Variants in GALNT13 observed in about 807,000 individuals in gnomAD.
The protein encoded by GALNT13 is UDP-GalNAc:polypeptide N-acetylgalactosaminyltransferase 13.
A neutral mutation model predicts 64.2 loss-of-function variants in GALNT13; 28 were observed. That is an observed-to-expected ratio of 0.44 (90% CI 0.32 to 0.60). GALNT13 has a LOEUF of 0.60. GALNT13 is among the 20% of genes least tolerant of loss of function. The probability of loss-of-function intolerance (pLI) is 0.05; values close to 1 mark genes in which losing one functional copy is unlikely to be tolerated. For missense variants in GALNT13, 577 were observed against 669.8 expected (o/e 0.86, Z 1.53); for synonymous variants, 214 against 224.6 (o/e 0.95, Z 0.42).
the GALNT13 span, among the ~76,000 whole-genome samples, chr2:153,213,196 C>T: frequency 6.6e-6 from 1 of 152,202 alleles, no homozygotes; most frequent in African/African-American, 2.4e-5. Context: ...TTTATGTTTG[C>T]ATTGGTTCAG....
At chr2:154,187,980 A>T (rs1454064980) in intron 4 of GALNT13, among the ~76,000 whole-genome samples, 1 of 151,828 alleles carries the variant, frequency 6.6e-6, no homozygotes, top group East Asian at 1.9e-4. Context: ...AAGTAAGCCA[A>T]GAAAAGAGTA....
intron 3 of GALNT13, among the ~76,000 whole-genome samples, chr2:153,964,326 G>A (rs1314409963): frequency 1.3e-5 from 2 of 152,136 alleles, no homozygotes; most frequent in African/African-American, 4.8e-5. Flanking sequence ...GTGCGTGCCT[G>A]TAATCCCAGA....
chr2:154,138,236 T>G (rs1452222710), intron 3 of GALNT13, among the ~76,000 whole-genome samples: 1 of 152,116 alleles, frequency 6.6e-6, no homozygotes, highest in African/African-American at 2.4e-5. Flanking sequence ...AAAGGTTCTT[T>G]GACCTTCATT....
At chr2:153,548,701 T>C in the GALNT13 span, among the ~76,000 whole-genome samples, 1 of 152,172 alleles carries the variant, frequency 6.6e-6, no homozygotes, top group African/African-American at 2.4e-5. Context: ...CATGGTATGG[T>C]TCAGTCAGAC....
the GALNT13 span, among the ~76,000 whole-genome samples, chr2:153,793,290 G>A: frequency 6.6e-6 from 1 of 151,838 alleles, no homozygotes; most frequent in Non-Finnish European, 1.5e-5. Context: ...ACATTTCATA[G>A]GTCTTAAAGG....
At chr2:153,448,688 A>C in the GALNT13 span, among the ~76,000 whole-genome samples, 2 of 152,130 alleles carry the variant, frequency 1.3e-5, no homozygotes, top group South Asian at 4.1e-4. Context: ...TGTGCAAGTT[A>C]ACCTATTCTA....
At chr2:154,304,250 A>AT (rs1693611046) in intron 9 of GALNT13, among the ~76,000 whole-genome samples, 2 of 152,208 alleles carry the variant, frequency 1.3e-5, no homozygotes, top group Admixed American at 1.3e-4. Context: ...CATTTCATGC[A>AT]TAGATGTATT....
the GALNT13 span, among the ~76,000 whole-genome samples, chr2:153,294,415 T>G: frequency 6.6e-6 from 1 of 152,226 alleles, no homozygotes; most frequent in Non-Finnish European, 1.5e-5. Context: ...GCATCTATAA[T>G]CTCAGTGTGA....
the GALNT13 span, among the ~76,000 whole-genome samples, chr2:153,361,722 T>C: frequency 6.6e-6 from 1 of 152,026 alleles, no homozygotes; most frequent in Non-Finnish European, 1.5e-5. Flanking sequence ...TATGGGACTA[T>C]GTAAAAAGAC....
chr2:153,451,061 G>A, the GALNT13 span, among the ~76,000 whole-genome samples: 35 of 152,042 alleles, frequency 2.3e-4, no homozygotes, highest in Non-Finnish European at 4.6e-4. Flanking sequence ...GGCATGATGT[G>A]CTTTCTTCCC....
intron 3 of GALNT13, among the ~76,000 whole-genome samples, chr2:154,125,178 G>GTTAC (rs1295114341): frequency 1.3e-5 from 2 of 152,096 alleles, no homozygotes; most frequent in Non-Finnish European, 2.9e-5. Context: ...CAGCATAAGT[G>GTTAC]TTACCTCTTT....
the GALNT13 span, among the ~76,000 whole-genome samples, chr2:153,382,127 A>T: frequency 2.8e-4 from 43 of 152,190 alleles, no homozygotes; most frequent in Non-Finnish European, 5.0e-4. Context: ...TCTGCTAAGG[A>T]TGGTCTCTTG....
the GALNT13 span, among the ~76,000 whole-genome samples, chr2:153,327,564 T>C: frequency 6.6e-6 from 1 of 151,798 alleles, no homozygotes; most frequent in Non-Finnish European, 1.5e-5. Context: ...TCTGATATCC[T>C]TTCTTCTGCT....
intron 4 of GALNT13, among the ~76,000 whole-genome samples, chr2:154,164,076 A>C (rs1374423312): frequency 1.3e-5 from 2 of 152,166 alleles, no homozygotes; most frequent in African/African-American, 2.4e-5. Flanking sequence ...ATACTGAATC[A>C]CAGATGCTGA....
At chr2:154,307,082 A>C (rs1006257964) in intron 9 of GALNT13, among the ~76,000 whole-genome samples, 1 of 152,100 alleles carries the variant, frequency 6.6e-6, no homozygotes, top group Non-Finnish European at 1.5e-5. Context: ...GGAGGTTAGA[A>C]GCAAGATGGA....
At chr2:153,193,652 TA>T in the GALNT13 span, among the ~76,000 whole-genome samples, 83 of 148,866 alleles carry the variant, frequency 5.6e-4, no homozygotes, top group Middle Eastern at 3.4e-3. Flanking sequence ...TTCATTTTAA[TA>T]AAAAAAAAAA....
At chr2:153,545,931 T>G in the GALNT13 span, among the ~76,000 whole-genome samples, 1 of 152,284 alleles carries the variant, frequency 6.6e-6, no homozygotes, top group Non-Finnish European at 1.5e-5. Context: ...AACCCAGCTG[T>G]AGTCAGGTTC....
At chr2:153,403,890 T>G in the GALNT13 span, among the ~76,000 whole-genome samples, 1 of 152,200 alleles carries the variant, frequency 6.6e-6, no homozygotes, top group African/African-American at 2.4e-5. Context: ...ACCCGTCTTC[T>G]GCGTCGCTCA....
the GALNT13 span, among the ~76,000 whole-genome samples, chr2:153,134,652 A>G: frequency 1.3e-5 from 2 of 152,114 alleles, no homozygotes; most frequent in Admixed American, 6.5e-5. Context: ...CTTAGTGCCC[A>G]ATCTTTCTGC....
Sources: gnomAD v4.1 joint callset for allele counts (sites outside exome capture counted in the v4.1 genomes callset) on GRCh38, gnomAD v4.1.1 for gene constraint, MANE v1.5 for transcripts, NCBI Gene and HGNC (gene_info 2026-07-23, HGNC 2026-07-21) for gene names.